Variants in NEK2 observed in about 807,000 individuals in gnomAD.
NEK2 encodes the protein serine/threonine-protein kinase Nek2.
Under a neutral mutation model 54.1 loss-of-function variants are expected in NEK2, and 28 were observed. That is an observed-to-expected ratio of 0.52 (90% CI 0.38 to 0.71). NEK2 has a LOEUF of 0.71. Ranked by LOEUF, NEK2 falls within the 30% of genes least tolerant of loss-of-function variation. The pLI is 0.00. For synonymous variants in NEK2, 176 were observed against 193.1 expected, an observed-to-expected ratio of 0.91 and a Z score of 0.73; for missense variants, 407 against 531.5, an observed-to-expected ratio of 0.77 and a Z score of 2.30.
At chr1:211,674,166 T>G in intron 2 of NEK2, 130 bp downstream of exon 2, 1 of 712,890 alleles carries the variant, frequency 1.4e-6, no homozygotes, top group Non-Finnish European at 2.3e-6. Flanking sequence ...ACCAGGAATT[T>G]TCTAAAGTAC....
chr1:211,663,267 T>A lies in NEK2; in HGVS notation c.*159A>T. On this transcript the variant is annotated 3_prime_UTR_variant, in exon 8 of 8. Coordinates refer to ENST00000366999, the MANE Select transcript of NEK2 (RefSeq NM_002497.4). Reference sequence around the variant, plus strand: ...TAAATGTGAACATTTTGTACAATAGTTGCTGAAGAACAGTAAAACCAATTC... The same window carrying A: ...TAAATGTGAACATTTTGTACAATAGATGCTGAAGAACAGTAAAACCAATTC... The A allele has an allele frequency of 7.1e-7, 1 of 1,404,780 alleles. No homozygotes were observed. The highest frequency in any genetic ancestry group is 3.1e-5 in the Admixed American group (1 of 32,662). The allele number at this position is 1,404,780 out of a possible 1,614,324, so 87.0% of individuals were successfully genotyped here.
At chr1:211,669,531 G>A (rs1655297562) in intron 5 of NEK2, 199 bp from the exon 6 acceptor site, 4 of 579,822 alleles carry the variant, frequency 6.9e-6, no homozygotes, top group South Asian at 2.1e-5. Flanking sequence ...AGGTAATGCA[G>A]ATGTTAACTT....
chr1:211,669,220 G>C lies in NEK2; in HGVS notation c.878C>G (p.Pro293Arg). Reference protein sequence around the residue: ...LERRGRQLGEPEKSQDSSPVL... With the variant: ...LERRGRQLGEREKSQDSSPVL... ...AGGGCTGGAATCCTGCGATTTTTCT[G>C]GCTCTCCTAATTGTCGCCCTCTTCT... Residue 293 changes from proline (P) to arginine (R), a missense_variant, in exon 6 of 8, where the codon CCA becomes CGA. By Grantham distance (103) the Pro-to-Arg change is moderately radical. Transcript: ENST00000366999. 6.2e-7 allele frequency: 1 copy of C among 1,613,916 alleles called. No homozygotes were observed. The highest frequency in any genetic ancestry group is 1.3e-5 in the African/African-American group (1 of 74,996).
chr1:211,660,865 T>C (rs1419987994), downstream of NEK2: 1 of 719,164 alleles, frequency 1.4e-6, no homozygotes, highest in African/African-American at 1.7e-5. Context: ...CATAGCATCA[T>C]TGACAGCATC....
At chr1:211,666,834 T>G (rs1300179987) in intron 7 of NEK2, 1 of 1,013,952 alleles carries the variant, frequency 9.9e-7, no homozygotes, top group African/African-American at 1.7e-5. Flanking sequence ...ATAATAAAAA[T>G]AAGTATCAAT....
chr1:211,670,453 T>C (rs1169776691), intron 4 of NEK2, 46 bp from the exon 5 acceptor site: 1 of 1,581,124 alleles, frequency 6.3e-7, no homozygotes, highest in Non-Finnish European at 8.6e-7. Context: ...ATTTTCAAAT[T>C]GTAAAAATGA....
downstream of NEK2, among the ~76,000 whole-genome samples, chr1:211,659,226 A>G (rs1055890498): frequency 6.7e-4 from 37 of 55,370 alleles, no homozygotes; most frequent in African/African-American, 1.9e-3. Flanking sequence ...CATAAAACAG[A>G]AAAAAAAAAG....
chr1:211,674,184 C>T (rs1655498657), intron 2 of NEK2, 112 bp downstream of exon 2: 5 of 853,032 alleles, frequency 5.9e-6, no homozygotes, highest in Middle Eastern at 2.7e-4. Context: ...TACTGTGGAC[C>T]TACCAAACAA....
intron 7 of NEK2, among the ~76,000 whole-genome samples, chr1:211,666,092 G>A (rs1402513566): frequency 3.9e-5 from 6 of 152,168 alleles, no homozygotes; most frequent in Non-Finnish European, 8.8e-5. Flanking sequence ...TTAAAGAGTC[G>A]ATTAAATTAG....
chr1:211,671,346 T>TA, intron 3 of NEK2, 62 bp from the exon 4 acceptor site: 4 of 1,192,942 alleles, frequency 3.4e-6, no homozygotes, highest in Non-Finnish European at 5.0e-6. Flanking sequence ...TTTTGAAACT[T>TA]AAAAAACACA....
At chr1:211,659,598 T>C (rs1466051943), downstream of NEK2, among the ~76,000 whole-genome samples, 2 of 152,190 alleles carry the variant, frequency 1.3e-5, no homozygotes, top group Non-Finnish European at 2.9e-5. Context: ...GTACTGGTGA[T>C]CAAACAGCAA....
chr1:211,669,992 G>A (rs1655318524), intron 5 of NEK2, among the ~76,000 whole-genome samples: 1 of 152,176 alleles, frequency 6.6e-6, no homozygotes, highest in Admixed American at 6.5e-5. Context: ...AGGTAGGCAA[G>A]GACAAGGGGA....
downstream of NEK2, chr1:211,660,359 G>A: frequency 1.7e-6 from 1 of 576,016 alleles, no homozygotes; most frequent in South Asian, 1.6e-5. Context: ...GCCTTCTCCT[G>A]GACCACCTTC....
In NEK2 at chr1:211,662,871, C is replaced by T. The variant is rs907622705; in HGVS notation, c.*555G>A. On this transcript the variant is annotated 3_prime_UTR_variant, in exon 8 of 8. Transcript: ENST00000366999. This position sits in a 1 kb window ranked among gnomAD's most constrained non-coding sequence, Gnocchi z 4.2. ...AACAGAAAAAAAAAAAGAATACAAACATCACAGTGATGAATTTTCACAAAG... is the reference window on the plus strand; with the variant it reads ...AACAGAAAAAAAAAAAGAATACAAATATCACAGTGATGAATTTTCACAAAG... 1.0e-6 allele frequency: 1 copy of T among 982,258 alleles called. No individual in the cohort carries two copies. The highest frequency in any genetic ancestry group is 1.2e-6 in the Non-Finnish European group (1 of 827,478). The allele number at this position is 982,258 out of a possible 1,614,324, so 60.8% of individuals were successfully genotyped here. A position where few individuals can be genotyped will look rare whatever the true frequency, so the allele number is the denominator to read the frequency against.
At chr1:211,661,149 T>G, downstream of NEK2, 1 of 742,864 alleles carries the variant, frequency 1.3e-6, no homozygotes, top group Non-Finnish European at 2.5e-6. Flanking sequence ...TGTCTCTGGG[T>G]GCCCCATCTC....
At chr1:211,663,736 G>A in intron 7 of NEK2, 84 bp from the exon 8 acceptor site, 2 of 1,294,546 alleles carry the variant, frequency 1.5e-6, no homozygotes, top group Non-Finnish European at 2.1e-6. Flanking sequence ...AAAAGTATTT[G>A]CTCTTATGGC....
At chr1:211,670,220 G>A (rs1655327893) in intron 5 of NEK2, 61 bp downstream of exon 5, 3 of 1,487,426 alleles carry the variant, frequency 2.0e-6, no homozygotes, top group South Asian at 1.2e-5. Flanking sequence ...AAGAGAGAAT[G>A]TATGCTCTGA....
rs745955729 is a variant in NEK2, at chr1:211,663,424, G to C, written c.*2C>G. On this transcript the variant is annotated 3_prime_UTR_variant, in exon 8 of 8. Coordinates refer to ENST00000366999, the MANE Select transcript of NEK2 (RefSeq NM_002497.4). ...TACACAGCTCTGTGTCTCTCTACCT[G>C]GCTAGCGCATGCCCAGGATCTGTCT... The C allele has an allele frequency of 1.9e-6, 3 of 1,609,246 alleles. No homozygotes were observed. The highest frequency in any genetic ancestry group is 2.5e-6 in the Non-Finnish European group (3 of 1,177,066).
chr1:211,672,038 T>C (rs1655408073), intron 3 of NEK2, among the ~76,000 whole-genome samples: 1 of 152,250 alleles, frequency 6.6e-6, no homozygotes, highest in Non-Finnish European at 1.5e-5. Context: ...AGTGAGAAAA[T>C]GGTACTGTTC....
Sources: allele counts gnomAD v4.1 joint callset (sites outside exome capture counted in the v4.1 genomes callset), GRCh38; gene constraint gnomAD v4.1.1; non-coding constraint Gnocchi (gnomAD v3.1); transcripts MANE v1.5; gene names NCBI Gene and HGNC (gene_info 2026-07-23, HGNC 2026-07-21).